Variants in LRP5 observed in about 807,000 individuals in gnomAD.
LRP5 encodes LDL receptor related protein 5, also known as low-density lipoprotein receptor-related protein 5.
LRP5 carries 62 observed loss-of-function variants against 154.1 expected under a neutral mutation model. The observed-to-expected ratio is 0.40, with a 90% CI of 0.33 to 0.50. The LOEUF (loss-of-function observed/expected upper bound fraction) is 0.50. Among genes scored for constraint, LRP5 ranks in the 20% least tolerant of loss-of-function variants. The pLI is 0.55. For missense variants in LRP5, 1,915 were observed against 2,336.7 expected, an observed-to-expected ratio of 0.82 and a Z score of 3.72; for synonymous variants, 966 against 1,011.5, an observed-to-expected ratio of 0.96 and a Z score of 0.85.
chr11:68,334,537 C>T (rs930504185), intron 1 of LRP5, among the ~76,000 whole-genome samples: 9 of 152,210 alleles, frequency 5.9e-5, no homozygotes, highest in African/African-American at 2.2e-4. Flanking sequence ...GCCACACACA[C>T]ATGCACAGAA....
chr11:68,311,076 C>T (rs186872915), upstream of LRP5, among the ~76,000 whole-genome samples: 5 of 152,212 alleles, frequency 3.3e-5, no homozygotes, highest in Admixed American at 1.3e-4. Context: ...TGACAGGTGG[C>T]AGTAGTAGAA....
At chr11:68,390,450 C>T (rs1045501398) in intron 7 of LRP5, among the ~76,000 whole-genome samples, 1 of 152,274 alleles carries the variant, frequency 6.6e-6, no homozygotes, top group Admixed American at 6.5e-5. Context: ...CACATATCCA[C>T]TGCCCTGCTT....
At chr11:68,410,280 G>T in intron 10 of LRP5, 140 bp downstream of exon 10, 1 of 755,678 alleles carries the variant, frequency 1.3e-6, no homozygotes, top group East Asian at 2.7e-5. Context: ...CTTGATGGTG[G>T]CCAGGACTGG....
intron 12 of LRP5, 106 bp from the exon 13 acceptor site, chr11:68,416,222 G>T (rs901378110): frequency 1.1e-6 from 1 of 931,996 alleles, no homozygotes; most frequent in Admixed American, 1.7e-5. Context: ...GACCTCCAGC[G>T]GGGCAGATGC....
At chr11:68,373,123 A>G (rs2098635254) in intron 5 of LRP5, among the ~76,000 whole-genome samples, 1 of 152,192 alleles carries the variant, frequency 6.6e-6, no homozygotes. Context: ...CCAGAGCCTC[A>G]GGTGAGACTC....
At chr11:68,347,291 T>C (rs958689301) in intron 1 of LRP5, among the ~76,000 whole-genome samples, 1 of 152,216 alleles carries the variant, frequency 6.6e-6, no homozygotes, top group Admixed American at 6.5e-5. Context: ...GGGAAGCTGA[T>C]GCCACGGCCA....
At chr11:68,382,911 C>T (rs916134109) in intron 5 of LRP5, among the ~76,000 whole-genome samples, 3 of 151,852 alleles carry the variant, frequency 2.0e-5, no homozygotes, top group African/African-American at 7.3e-5. Flanking sequence ...AAAGTCTCAC[C>T]CCAACGCGCA....
chr11:68,428,851 C>T (rs1257900291), intron 16 of LRP5, among the ~76,000 whole-genome samples: 3 of 106,886 alleles, frequency 2.8e-5, no homozygotes, highest in Non-Finnish European at 5.4e-5. Context: ...GAAGCTGAAG[C>T]GGGAGGATCA....
chr11:68,363,656 C>CAAA, intron 3 of LRP5, 91 bp from the exon 4 acceptor site: 8 of 876,510 alleles, frequency 9.1e-6, no homozygotes, highest in East Asian at 3.2e-5. Context: ...GACTCCATCT[C>CAAA]AAAAAAAAAA....
intron 21 of LRP5, 70 bp from the exon 22 acceptor site, chr11:68,446,366 G>A: frequency 9.4e-7 from 1 of 1,058,880 alleles, no homozygotes; most frequent in Middle Eastern, 2.0e-4. Flanking sequence ...AAAGCCCGAG[G>A]GGTGTGGGAG....
Position 68,447,681 on chromosome 11 carries a change from C to A in LRP5, c.4587-1128C>A, listed in dbSNP as rs541633058. 6.6e-5 allele frequency among the ~76,000 whole-genome samples: 10 copies of A among 152,312 alleles called. No homozygotes were observed. Among genetic ancestry groups the A allele is most frequent in the South Asian group, 2.1e-4 (1 of 4,832 alleles). ...TCCCCCCGCCCGCCGTCTGACCTCACAGCAGCTGGGCCCCAAGAGGAGTAT... is the reference window on the plus strand; with the variant it reads ...TCCCCCCGCCCGCCGTCTGACCTCAAAGCAGCTGGGCCCCAAGAGGAGTAT... On this transcript the variant is annotated intron_variant, in intron 22 of 22. Coordinates refer to ENST00000294304, the MANE Select transcript of LRP5 (RefSeq NM_002335.4). The surrounding 1 kb of genome is among the most constrained non-coding windows in gnomAD (Gnocchi z 4.3).
chr11:68,446,166 T>C (rs1253634561), intron 21 of LRP5, among the ~76,000 whole-genome samples: 1 of 152,186 alleles, frequency 6.6e-6, no homozygotes, highest in Non-Finnish European at 1.5e-5. Flanking sequence ...CAGCCCAGCA[T>C]CTGGTCACAA....
intron 3 of LRP5, among the ~76,000 whole-genome samples, chr11:68,358,456 T>C (rs2098625034): frequency 6.6e-6 from 1 of 152,218 alleles, no homozygotes; most frequent in Admixed American, 6.5e-5. Flanking sequence ...CAACAAAAGC[T>C]TTCCATCTTC....
chr11:68,435,188 G>A (rs534395215), intron 18 of LRP5, among the ~76,000 whole-genome samples: 1 of 152,244 alleles, frequency 6.6e-6, no homozygotes, highest in Non-Finnish European at 1.5e-5. Flanking sequence ...GACAGACAGA[G>A]CTTCCCCAGC....
At chr11:68,390,979 A>T (rs907029558) in intron 7 of LRP5, among the ~76,000 whole-genome samples, 8 of 151,824 alleles carry the variant, frequency 5.3e-5, no homozygotes, top group African/African-American at 1.7e-4. Flanking sequence ...ATTTTGTTTG[A>T]TTGTTTGTTT....
At chr11:68,411,778 T>C (rs1265396662) in intron 11 of LRP5, among the ~76,000 whole-genome samples, 158 bp downstream of exon 11, 1 of 152,180 alleles carries the variant, frequency 6.6e-6, no homozygotes, top group African/African-American at 2.4e-5. Flanking sequence ...CACCCTCTGC[T>C]GTGGGAGTTG....
chr11:68,354,284 A>G (rs2098621250), intron 2 of LRP5, among the ~76,000 whole-genome samples: 1 of 152,222 alleles, frequency 6.6e-6, no homozygotes, highest in South Asian at 2.1e-4. Context: ...GTCCACGCCA[A>G]CCAGTCTCTG....
At position 68,313,260 on chromosome 11, in the gene LRP5, G is replaced by A. The variant is rs1194024420; in HGVS notation, c.91+455G>A. The stretch of plus-strand genomic sequence containing the variant: ...CCGCGTGCTCCGAGGACGGGCTGAA[G>A]TTGCAGCGAGAAAGTTCTGAGCCCG... On this transcript the variant is annotated intron_variant, in intron 1 of 22. Transcript: ENST00000294304. Among the ~76,000 whole-genome samples the A allele has an allele frequency of 3.3e-5, 5 of 152,058 alleles. No individual in the cohort carries two copies. In the South Asian group the frequency reaches 8.3e-4, roughly 25 times the overall value.
Position 68,409,956 on chromosome 11 carries a change from G to A in LRP5, c.2134G>A (p.Val712Met), listed in dbSNP as rs765239493. ...CATGAACGGGAGCTCGGTGGAGCACGTGGTGGAGTTTGGCCTTGACTACCC... is the reference window on the plus strand; with the variant it reads ...CATGAACGGGAGCTCGGTGGAGCACATGGTGGAGTTTGGCCTTGACTACCC... ...AFMNGSSVEH[V>M]VEFGLDYPEG... Residue 712 changes from valine (V) to methionine (M), a missense_variant, in exon 10 of 23, where the codon GTG becomes ATG. By Grantham distance (21) the Val-to-Met change is conservative. Transcript: ENST00000294304. 13 of 1,614,136 alleles carry A rather than the reference G, an allele frequency of 8.1e-6. No individual in the cohort carries two copies. The East Asian group carries it at 1.8e-4, about 22-fold the overall frequency.
Sources: allele counts gnomAD v4.1 joint callset (sites outside exome capture counted in the v4.1 genomes callset), GRCh38; gene constraint gnomAD v4.1.1; non-coding constraint Gnocchi (gnomAD v3.1); transcripts MANE v1.5; gene names NCBI Gene and HGNC (gene_info 2026-07-23, HGNC 2026-07-21).